Variants in URB1 observed in about 807,000 individuals in gnomAD.
URB1 encodes nucleolar pre-ribosomal-associated protein 1.
URB1 carries 197 observed loss-of-function variants against 242.3 expected under a neutral mutation model. That is an observed-to-expected ratio of 0.81 (90% confidence interval 0.72 to 0.91). The LOEUF (loss-of-function observed/expected upper bound fraction) is 0.91, where lower values mean the gene tolerates loss of function less well. Ranked by LOEUF, URB1 falls within the 40% of genes least tolerant of loss-of-function variation. The pLI is 0.00. For missense variants in URB1, 2,721 were observed against 2,860.5 expected, an observed-to-expected ratio of 0.95 and a Z score of 1.11; for synonymous variants, 1,153 against 1,201.8, an observed-to-expected ratio of 0.96 and a Z score of 0.84.
In URB1 at chr21:32,344,792, G is replaced by A. The variant is rs1240164996; in HGVS notation, c.4071-36C>T. On this transcript the variant is annotated intron_variant, in intron 23 of 38. Transcript: ENST00000382751. ...AGATGAGAGTCAGAGACAGAGAGCA[G>A]GTTTAAATCCTTCTGACTTTACGTA... 8 of 1,534,262 alleles carry A rather than the reference G, an allele frequency of 5.2e-6. No homozygotes were observed. In the Admixed American group the frequency reaches 1.4e-4, roughly 27 times the overall value.
At chr21:32,353,109 A>G (rs1249591647) in intron 18 of URB1, among the ~76,000 whole-genome samples, 1 of 152,192 alleles carries the variant, frequency 6.6e-6, no homozygotes, top group Non-Finnish European at 1.5e-5. Context: ...CAGCAAAGTC[A>G]GACATCCACT....
intron 6 of URB1, 135 bp downstream of exon 6, chr21:32,375,261 AAG>A (rs2033446346): frequency 4.0e-6 from 2 of 498,010 alleles, no homozygotes; most frequent in African/African-American, 4.0e-5. Flanking sequence ...CTGCTTAGGG[AAG>A]AGTTTTCCAC....
Position 32,316,482 on chromosome 21 carries a change from C to A in URB1, c.6618G>T (p.Lys2206Asn). ...CAGCCTTACCTTGTGTGGCTTCATC[C>A]TTCTCACTCAGAGAAGACAGGGAGA... Reference protein sequence around the residue: ...EALSLSSLSEKDEATQASAAF... With the variant: ...EALSLSSLSENDEATQASAAF... Residue 2206 changes from lysine (K) to asparagine (N), a missense_variant, in exon 38 of 39, where the codon AAG (lysine) becomes AAT (asparagine). By Grantham distance (94) the Lys-to-Asn change is moderately conservative. Transcript: ENST00000382751. 6.5e-7 allele frequency: 1 copy of A among 1,527,616 alleles called. No homozygotes were observed. The highest frequency in any genetic ancestry group is 8.8e-7 in the Non-Finnish European group (1 of 1,136,582). The allele number at this position is 1,527,616 out of a possible 1,614,324, so 94.6% of individuals were successfully genotyped here. A position where few individuals can be genotyped will look rare whatever the true frequency, so the allele number is the denominator to read the frequency against.
intron 37 of URB1, 128 bp downstream of exon 37, chr21:32,317,548 G>C (rs2032706819): frequency 7.2e-7 from 1 of 1,382,544 alleles, no homozygotes; most frequent in Non-Finnish European, 9.6e-7. Flanking sequence ...CTCCAAGATG[G>C]ATGTGTCCCA....
chr21:32,320,543 AT>A lies in URB1; in HGVS notation c.5581del (p.Ile1861SerfsTer15). ...DYSLLTWILH[I>X]LESKFLETPL... ...AAAAGGTACTTACTTGCTTTCAAGG[AT>A]GTGTAAAATCCATGTTAAAAGGCTA... is the stretch of plus-strand genomic sequence containing the variant. On this transcript the variant is annotated frameshift_variant, in exon 35 of 39. Transcript: ENST00000382751. LOFTEE classifies it high-confidence loss of function. 1 of 1,551,514 alleles carries A rather than the reference AT, an allele frequency of 6.4e-7. No homozygotes were observed. Among genetic ancestry groups the A allele is most frequent in the Non-Finnish European group, 8.7e-7 (1 of 1,146,598 alleles).
At chr21:32,367,045 C>T (rs1207675700) in intron 9 of URB1, among the ~76,000 whole-genome samples, 2 of 152,282 alleles carry the variant, frequency 1.3e-5, no homozygotes, top group African/African-American at 4.8e-5. Context: ...GCCAGAACTA[C>T]GAATGGTACT....
intron 1 of URB1, among the ~76,000 whole-genome samples, chr21:32,386,783 T>C (rs1049602268): frequency 6.6e-6 from 1 of 152,150 alleles, no homozygotes; most frequent in African/African-American, 2.4e-5. Flanking sequence ...TATGAGTATT[T>C]TTTTCCCTAG....
intron 16 of URB1, 109 bp downstream of exon 16, chr21:32,355,340 A>G (rs2033206696): frequency 1.0e-6 from 1 of 963,238 alleles, no homozygotes; most frequent in Non-Finnish European, 1.6e-6. Flanking sequence ...GAAGTAAGCC[A>G]GGACGAGAAG....
At position 32,361,129 on chromosome 21, in the gene URB1, C is replaced by CA. The variant is rs763857348; in HGVS notation, c.1640-7dup. ...AAGAATGGTTTCTGCATCATCTGCACAAAAAAAAGAAAAAGAAAGAAAAAG... is the reference window on the plus strand; with the variant it reads ...AAGAATGGTTTCTGCATCATCTGCACAAAAAAAAAGAAAAAGAAAGAAAAAG... On this transcript the variant is annotated splice_region_variant and splice_polypyrimidine_tract_variant and intron_variant, in intron 12 of 38. Transcript: ENST00000382751. 9.5e-5 allele frequency: 105 copies of CA among 1,103,912 alleles called. 1 individual carries two copies. The highest frequency in any genetic ancestry group is 5.3e-4 in the South Asian group (20 of 37,936). The allele number at this position is 1,103,912 out of a possible 1,614,324, so 68.4% of individuals were successfully genotyped here.
At chr21:32,363,850 T>G (rs2033316546) in intron 10 of URB1, among the ~76,000 whole-genome samples, 1 of 151,884 alleles carries the variant, frequency 6.6e-6, no homozygotes, top group South Asian at 2.1e-4. Flanking sequence ...GAGATGAGAC[T>G]TAGTATGTTG....
intron 10 of URB1, among the ~76,000 whole-genome samples, chr21:32,363,801 A>ACAGGCACC (rs2033315418): frequency 6.6e-6 from 1 of 152,030 alleles, no homozygotes; most frequent in Non-Finnish European, 1.5e-5. Flanking sequence ...AGCCAGGACT[A>ACAGGCACC]TAGGCACCTA....
At position 32,392,792 on chromosome 21, in the gene URB1, T is replaced by C. The variant is rs1300952561; in HGVS notation, c.119A>G (p.Lys40Arg). Residue 40 changes from lysine to arginine, a missense_variant, in exon 1 of 39, where the codon AAG (lysine) becomes AGG (arginine). Physicochemically the swap from Lys to Arg is conservative, Grantham distance 26. Transcript: ENST00000382751. ...ACCTGGCCCGGGGCCCTGCGGGTCC[T>C]TCAGCTGAGCCTTGAACCGCACGCC... is the stretch of plus-strand genomic sequence containing the variant. ...LTGVRFKAQL[K>R]DPQGPGPGLE... 1.3e-6 allele frequency: 2 copies of C among 1,502,488 alleles called. No individual in the cohort carries two copies. Among genetic ancestry groups the C allele is most frequent in the African/African-American group, 1.4e-5 (1 of 70,410 alleles). 93.1% of individuals were successfully genotyped at this position (1,502,488 alleles called of 1,614,324 possible).
intron 26 of URB1, 146 bp downstream of exon 26, chr21:32,338,561 G>T: frequency 2.1e-6 from 2 of 933,944 alleles, no homozygotes; most frequent in Middle Eastern, 3.3e-4. Context: ...CCCTGGATTT[G>T]ACAGAAATAA....
chr21:32,353,029 G>A (rs1282723850), intron 18 of URB1, 123 bp from the exon 19 acceptor site: 11 of 979,118 alleles, frequency 1.1e-5, no homozygotes, highest in Admixed American at 2.9e-5. Flanking sequence ...TCCATGAGGG[G>A]ACACATAACC....
intron 31 of URB1, among the ~76,000 whole-genome samples, 165 bp downstream of exon 31, chr21:32,325,064 A>T (rs183356252): frequency 6.6e-6 from 1 of 152,168 alleles, no homozygotes; most frequent in East Asian, 1.9e-4. Flanking sequence ...GACCTCCGGG[A>T]TCACCTCCTA....
intron 22 of URB1, among the ~76,000 whole-genome samples, chr21:32,346,564 G>T: frequency 6.6e-6 from 1 of 152,170 alleles, no homozygotes; most frequent in African/African-American, 2.4e-5. Context: ...AGGCTGCCTC[G>T]ACTCAACATC....
chr21:32,385,671 A>T lies in URB1; in HGVS notation c.156T>A (p.Phe52Leu). ...GTGGTAGCTTCTTGGCAGCAGACAC[A>T]AACGCTTCCAAGCCTGAAAAAAAAG... ...PQGPGPGLEA[F>L]VSAAKKLPRE... Residue 52 changes from phenylalanine to leucine, a missense_variant, in exon 2 of 39, where the codon TTT becomes TTA. Coordinates refer to ENST00000382751, the MANE Select transcript of URB1 (RefSeq NM_014825.3). 6.4e-7 allele frequency: 1 copy of T among 1,551,592 alleles called. No homozygotes were observed. Among genetic ancestry groups the T allele is most frequent in the Non-Finnish European group, 8.7e-7 (1 of 1,146,974 alleles).
intron 11 of URB1, 128 bp from the exon 12 acceptor site, chr21:32,362,149 G>C: frequency 1.6e-6 from 2 of 1,215,026 alleles, no homozygotes; most frequent in African/African-American, 3.1e-5. Flanking sequence ...CGTGTAAGAA[G>C]GAGAGGGAAG....
chr21:32,381,541 T>C (rs1031688934), intron 4 of URB1, among the ~76,000 whole-genome samples: 3 of 151,900 alleles, frequency 2.0e-5, no homozygotes, highest in African/African-American at 4.8e-5. Flanking sequence ...ATCAAAGATA[T>C]TTAAGAAACA....
Sources: allele counts gnomAD v4.1 joint callset (sites outside exome capture counted in the v4.1 genomes callset), GRCh38; gene constraint gnomAD v4.1.1; transcripts MANE v1.5; gene names NCBI Gene and HGNC (gene_info 2026-07-23, HGNC 2026-07-21).